Variants in ZNF385D observed in about 807,000 individuals in gnomAD.
ZNF385D encodes the protein zinc finger protein 385D.
Under a neutral mutation model 35.8 loss-of-function variants are expected in ZNF385D, and 15 were observed. The ratio of observed to expected loss-of-function variants is 0.42; its 90% CI spans 0.28 to 0.64. The LOEUF (loss-of-function observed/expected upper bound fraction) is 0.64. Ranked by LOEUF, ZNF385D falls within the 30% of genes least tolerant of loss-of-function variation. The pLI is 0.23. For missense variants in ZNF385D, 474 were observed against 494.6 expected (o/e 0.96, Z 0.39); for synonymous variants, 212 against 186.8 (o/e 1.13, Z -1.10).
intron 3 of ZNF385D, among the ~76,000 whole-genome samples, chr3:21,908,161 T>C (rs1482231499): frequency 6.6e-6 from 1 of 150,398 alleles, no homozygotes; most frequent in African/African-American, 2.5e-5. Context: ...TATCTATCTA[T>C]CTATCTATCT....
intron 3 of ZNF385D, among the ~76,000 whole-genome samples, chr3:21,935,627 A>C (rs573351414): frequency 5.9e-4 from 90 of 152,214 alleles, no homozygotes; most frequent in African/African-American, 2.0e-3. Flanking sequence ...GGAAAGAGTA[A>C]AAAGTTGCTT....
chr3:21,908,605 G>C (rs1158856515), intron 3 of ZNF385D, among the ~76,000 whole-genome samples: 2 of 152,072 alleles, frequency 1.3e-5, no homozygotes, highest in African/African-American at 4.8e-5. Context: ...AGTTAGGAAG[G>C]TTTTCACTAA....
intron 3 of ZNF385D, among the ~76,000 whole-genome samples, chr3:22,161,639 C>T (rs1039188412): frequency 6.6e-5 from 10 of 151,960 alleles, no homozygotes; most frequent in African/African-American, 2.4e-4. Context: ...AGTATGCTAA[C>T]AGAAAAAGAT....
chr3:22,023,660 C>CTT (rs113753465), intron 3 of ZNF385D, among the ~76,000 whole-genome samples: 1,942 of 148,468 alleles, frequency 0.013, 25 homozygotes, highest in African/African-American at 0.028. Context: ...CAAAGCAATG[C>CTT]TTTTTTTTTT....
chr3:21,850,291 CA>C (rs1336234034), intron 3 of ZNF385D, among the ~76,000 whole-genome samples: 1 of 151,940 alleles, frequency 6.6e-6, no homozygotes. Flanking sequence ...CAACATTGCA[CA>C]GAAAGAAATA....
chr3:22,105,400 TATAA>T (rs1183184016), intron 3 of ZNF385D, among the ~76,000 whole-genome samples: 1 of 152,024 alleles, frequency 6.6e-6, no homozygotes, highest in Non-Finnish European at 1.5e-5. Context: ...TGTATACATA[TATAA>T]ATACATATAT....
chr3:22,221,168 C>G (rs1477399084), intron 2 of ZNF385D, among the ~76,000 whole-genome samples: 1 of 151,834 alleles, frequency 6.6e-6, no homozygotes, highest in Admixed American at 6.6e-5. Flanking sequence ...TAGGTACACA[C>G]AGAAACATAT....
At chr3:22,035,540 T>C (rs552693647) in intron 3 of ZNF385D, among the ~76,000 whole-genome samples, 3 of 152,336 alleles carry the variant, frequency 2.0e-5, no homozygotes, top group African/African-American at 7.2e-5. Flanking sequence ...TTTTCAATAC[T>C]GTGACCTAAG....
At chr3:21,743,884 G>T (rs1177069193) in intron 1 of ZNF385D, among the ~76,000 whole-genome samples, 1 of 152,210 alleles carries the variant, frequency 6.6e-6, no homozygotes, top group Non-Finnish European at 1.5e-5. Context: ...ATTATGTTCA[G>T]ATTTCTGTTA....
At chr3:22,093,883 T>G (rs1177311270) in intron 3 of ZNF385D, among the ~76,000 whole-genome samples, 1 of 152,098 alleles carries the variant, frequency 6.6e-6, no homozygotes, top group Non-Finnish European at 1.5e-5. Flanking sequence ...TTAAGCTCGC[T>G]AACACTTTAT....
chr3:22,049,180 C>T (rs1053415344), intron 3 of ZNF385D, among the ~76,000 whole-genome samples: 5 of 151,886 alleles, frequency 3.3e-5, no homozygotes, highest in African/African-American at 7.3e-5. Context: ...ACCTGTAATC[C>T]AGCTACTCAG....
intron 3 of ZNF385D, among the ~76,000 whole-genome samples, chr3:22,151,094 A>G (rs1463363222): frequency 6.6e-6 from 1 of 152,122 alleles, no homozygotes; most frequent in Non-Finnish European, 1.5e-5. Context: ...ATTTGTCTCA[A>G]CTCTGGATGT....
chr3:21,956,688 G>A (rs892822132), intron 3 of ZNF385D, among the ~76,000 whole-genome samples: 10 of 150,768 alleles, frequency 6.6e-5, no homozygotes, highest in African/African-American at 1.2e-4. Flanking sequence ...AATGATTTTC[G>A]TCATTGGAGT....
chr3:21,430,339 A>G (rs1027106654), intron 5 of ZNF385D, among the ~76,000 whole-genome samples: 22 of 152,160 alleles, frequency 1.4e-4, no homozygotes, highest in African/African-American at 4.3e-4. Flanking sequence ...GAAAGGTGAA[A>G]ATAGAGACAA....
At chr3:22,196,354 G>C (rs1335074012) in intron 2 of ZNF385D, among the ~76,000 whole-genome samples, 1 of 108,436 alleles carries the variant, frequency 9.2e-6, no homozygotes, top group Non-Finnish European at 2.2e-5. Context: ...TTTATATTTA[G>C]AGTGTGTATT....
intron 3 of ZNF385D, among the ~76,000 whole-genome samples, chr3:21,870,590 T>C (rs80235957): frequency 4.3e-4 from 65 of 152,310 alleles, no homozygotes; most frequent in African/African-American, 1.2e-3. Context: ...AATGTCTTAC[T>C]GTATGGTATC....
At chr3:21,699,938 T>A (rs985283662) in intron 1 of ZNF385D, among the ~76,000 whole-genome samples, 1 of 151,568 alleles carries the variant, frequency 6.6e-6, no homozygotes, top group Non-Finnish European at 1.5e-5. Context: ...TTCGAGTGAT[T>A]CTCTTGTCTC....
At chr3:22,088,833 G>C (rs1398388271) in intron 3 of ZNF385D, among the ~76,000 whole-genome samples, 3 of 152,126 alleles carry the variant, frequency 2.0e-5, no homozygotes, top group Non-Finnish European at 4.4e-5. Flanking sequence ...TGAGAATTGA[G>C]ATTAATCCTT....
At chr3:21,791,946 GATGGTCTCGA>G (rs2071947445) in intron 3 of ZNF385D, among the ~76,000 whole-genome samples, 1 of 152,068 alleles carries the variant, frequency 6.6e-6, no homozygotes, top group African/African-American at 2.4e-5. Flanking sequence ...TCTTGGCTAG[GATGGTCTCGA>G]TCTCCTGACC....
Sources: allele counts gnomAD v4.1 joint callset (sites outside exome capture counted in the v4.1 genomes callset), GRCh38; gene constraint gnomAD v4.1.1; transcripts MANE v1.5; gene names NCBI Gene and HGNC (gene_info 2026-07-23, HGNC 2026-07-21).